PDE4D: variants seen among roughly 807,000 people sequenced by gnomAD.
PDE4D encodes 3',5'-cyclic-AMP phosphodiesterase 4D.
Under a neutral mutation model 87.4 loss-of-function variants are expected in PDE4D, and 24 were observed. That is an observed-to-expected ratio of 0.27 (90% CI 0.20 to 0.39). The LOEUF (loss-of-function observed/expected upper bound fraction) is 0.39. Ranked by LOEUF, PDE4D falls within the 10% of genes least tolerant of loss-of-function variation. The pLI, the probability that PDE4D is intolerant of heterozygous loss-of-function variation, is 1.00. For missense variants in PDE4D, 714 were observed against 1,041.0 expected (o/e 0.69, Z 4.32); for synonymous variants, 384 against 383.2 (o/e 1.00, Z -0.02).
chr5:58,975,886 T>A lies in PDE4D; in HGVS notation c.1831-47A>T, dbSNP rs10061206. The stretch of plus-strand genomic sequence containing the variant: ...TCTATTCACTCCTGTTCCTTTTTTT[T>A]AAAAAAAAAAACAAAAAAAACTAGA... On this transcript the variant is annotated intron_variant, in intron 13 of 14. Coordinates refer to ENST00000340635, the MANE Select transcript of PDE4D (RefSeq NM_001104631.2). This position sits in a 1 kb window ranked among gnomAD's most constrained non-coding sequence, Gnocchi z 4.2. 0.18 allele frequency: 191,823 copies of A among 1,065,704 alleles called. 14,684 individuals carry two copies. The highest frequency in any genetic ancestry group is 0.21 in the East Asian group (6,875 of 32,192). 66.0% of individuals were successfully genotyped at this position (1,065,704 alleles called of 1,614,324 possible). A position where few individuals can be genotyped will look rare whatever the true frequency, so the allele number is the denominator to read the frequency against.
chr5:59,139,395 T>C (rs1777572355), intron 5 of PDE4D, among the ~76,000 whole-genome samples: 1 of 152,198 alleles, frequency 6.6e-6, no homozygotes, highest in African/African-American at 2.4e-5. Context: ...ACCCTGGTCA[T>C]TTTACCGCAG....
At chr5:59,728,553 G>A (rs992429421) in intron 1 of PDE4D, among the ~76,000 whole-genome samples, 5 of 152,018 alleles carry the variant, frequency 3.3e-5, no homozygotes, top group Non-Finnish European at 7.4e-5. Context: ...TAGCTCAGAT[G>A]GACACCTCAC....
intron 1 of PDE4D, among the ~76,000 whole-genome samples, chr5:59,691,121 T>C (rs1039302619): frequency 3.3e-5 from 5 of 152,200 alleles, no homozygotes; most frequent in African/African-American, 1.2e-4. Context: ...ACACTGTTGG[T>C]GGGACTGTAA....
rs146202267 is a variant in PDE4D at position 60,387,422 on chromosome 5, AGT to A, written c.-90+100518_-90+100519del. ...TTTCCAACTCCCTGTGCTCACCAGCAGTGTGTTCTGTTTTGGTGTAAACTGAT... is the reference window on the plus strand; with the variant it reads ...TTTCCAACTCCCTGTGCTCACCAGCAGTGTTCTGTTTTGGTGTAAACTGAT... On this transcript the variant is annotated intron_variant, in intron 1 of 16. Coordinates refer to the PDE4D transcript ENST00000502484. Among the ~76,000 whole-genome samples, 104 of 152,282 alleles carry A rather than the reference AGT, an allele frequency of 6.8e-4. 1 individual carries two copies. In the East Asian group the frequency reaches 0.017, roughly 25 times the overall value.
At chr5:59,930,794 T>G (rs1755825013) in intron 3 of PDE4D, among the ~76,000 whole-genome samples, 1 of 152,158 alleles carries the variant, frequency 6.6e-6, no homozygotes, top group Admixed American at 6.5e-5. Context: ...TTAGAGTCAT[T>G]GAAAGAAATG....
intron 1 of PDE4D, among the ~76,000 whole-genome samples, chr5:59,448,976 G>A (rs763060085): frequency 6.6e-6 from 1 of 152,114 alleles, no homozygotes; most frequent in Non-Finnish European, 1.5e-5. Flanking sequence ...CTCCCCAGGT[G>A]AGTCTGTTAT....
intron 1 of PDE4D, among the ~76,000 whole-genome samples, chr5:59,521,662 C>T (rs1041596006): frequency 3.3e-5 from 5 of 152,122 alleles, no homozygotes; most frequent in Admixed American, 2.6e-4. Flanking sequence ...CACTTTACCC[C>T]AAATTGCATA....
chr5:59,403,731 C>A (rs1791104402), intron 1 of PDE4D, among the ~76,000 whole-genome samples: 1 of 152,166 alleles, frequency 6.6e-6, no homozygotes, highest in African/African-American at 2.4e-5. Flanking sequence ...TAGGTTGCTT[C>A]CAAATCTTGG....
intron 1 of PDE4D, chr5:59,768,567 C>T (rs1002386022): frequency 8.3e-5 from 131 of 1,584,618 alleles, no homozygotes; most frequent in Non-Finnish European, 1.0e-4. Flanking sequence ...TTCCCTCGCT[C>T]ACGGTCCCGG....
chr5:59,512,998 A>C (rs142017697), intron 1 of PDE4D, among the ~76,000 whole-genome samples: 1 of 152,176 alleles, frequency 6.6e-6, no homozygotes, highest in African/African-American at 2.4e-5. Flanking sequence ...AGCACATTAC[A>C]TATCGTTTTC....
chr5:59,808,837 C>A (rs1768024252), intron 1 of PDE4D, among the ~76,000 whole-genome samples: 1 of 151,938 alleles, frequency 6.6e-6, no homozygotes, highest in Non-Finnish European at 1.5e-5. Context: ...CAAAATGTAC[C>A]CCAAGTTCTT....
intron 1 of PDE4D, among the ~76,000 whole-genome samples, chr5:59,507,679 A>AAAAAAAAAAAAG (rs61334148): frequency 6.7e-5 from 8 of 118,706 alleles, no homozygotes; most frequent in Admixed American, 1.8e-4. Flanking sequence ...AAAAAAAAAA[A>AAAAAAAAAAAAG]AAAAGAAAAG....
At chr5:60,298,065 G>A (rs1454624783) in intron 1 of PDE4D, among the ~76,000 whole-genome samples, 1 of 151,666 alleles carries the variant, frequency 6.6e-6, no homozygotes, top group South Asian at 2.1e-4. Flanking sequence ...CAAAAACTAT[G>A]AATTCATCAT....
At chr5:59,933,517 T>G (rs1000099321) in intron 3 of PDE4D, among the ~76,000 whole-genome samples, 1 of 152,218 alleles carries the variant, frequency 6.6e-6, no homozygotes, top group Non-Finnish European at 1.5e-5. Context: ...GCTCCTACTA[T>G]GTGCCAAGAC....
At chr5:59,883,125 A>G (rs1387745051) in intron 1 of PDE4D, among the ~76,000 whole-genome samples, 2 of 152,162 alleles carry the variant, frequency 1.3e-5, no homozygotes, top group Non-Finnish European at 2.9e-5. Context: ...GGAAGACCCA[A>G]TTTGGGCTGG....
intron 1 of PDE4D, among the ~76,000 whole-genome samples, chr5:59,459,705 G>A (rs936531326): frequency 1.3e-5 from 2 of 152,112 alleles, no homozygotes; most frequent in African/African-American, 2.4e-5. Flanking sequence ...AGCTAATGAG[G>A]CATCCACTTA....
chr5:59,572,653 T>C (rs931140489), intron 1 of PDE4D, among the ~76,000 whole-genome samples: 4 of 152,192 alleles, frequency 2.6e-5, no homozygotes, highest in African/African-American at 7.2e-5. Flanking sequence ...GCTAATTTTT[T>C]GTATTTTTAG....
chr5:60,036,559 C>T (rs1168897986), intron 2 of PDE4D, among the ~76,000 whole-genome samples: 2 of 152,324 alleles, frequency 1.3e-5, no homozygotes, highest in Middle Eastern at 3.4e-3. Context: ...CAAGAAGGCA[C>T]ATAAACTCAT....
rs1743159913 is a variant in PDE4D, at chr5:58,974,184, T to C, written c.*480A>G. On this transcript the variant is annotated 3_prime_UTR_variant, in exon 15 of 15. Transcript: ENST00000340635. ...AGGAAGACTTGAAATTAGAAAATTATGCAATTTCTGTGGCTCATCCTCCTC... is the reference window on the plus strand; with the variant it reads ...AGGAAGACTTGAAATTAGAAAATTACGCAATTTCTGTGGCTCATCCTCCTC... 1 of 152,804 alleles carries C rather than the reference T, an allele frequency of 6.5e-6. No homozygotes were observed. The highest frequency in any genetic ancestry group is 6.5e-5 in the Admixed American group (1 of 15,332). 9.5% of individuals were successfully genotyped at this position (152,804 alleles called of 1,614,324 possible).
Sources: gnomAD v4.1 joint callset for allele counts (sites outside exome capture counted in the v4.1 genomes callset) on GRCh38, gnomAD v4.1.1 for gene constraint, Gnocchi (gnomAD v3.1) non-coding constraint, MANE v1.5 for transcripts, NCBI Gene and HGNC (gene_info 2026-07-23, HGNC 2026-07-21) for gene names.